Variants in GPR39 observed in about 807,000 individuals in gnomAD.
GPR39 encodes G protein-coupled receptor 39.
Under a neutral mutation model 18.4 loss-of-function variants are expected in GPR39, and 23 were observed. The observed-to-expected ratio is 1.25, with a 90% confidence interval of 0.90 to 1.77. GPR39 has a LOEUF of 1.77. Ranked by LOEUF, GPR39 falls within the 40% of genes most tolerant of loss-of-function variation. The probability of loss-of-function intolerance (pLI) is 0.00; values close to 1 mark genes in which losing one functional copy is unlikely to be tolerated. For synonymous variants in GPR39, 280 were observed against 257.9 expected, an observed-to-expected ratio of 1.09 and a Z score of -0.82; for missense variants, 647 against 602.4, an observed-to-expected ratio of 1.07 and a Z score of -0.78.
chr2:132,443,415 A>G (rs989742013), intron 1 of GPR39, among the ~76,000 whole-genome samples: 9 of 152,230 alleles, frequency 5.9e-5, no homozygotes, highest in African/African-American at 1.9e-4. Flanking sequence ...GAGTACCCAT[A>G]CAACCATTCT....
chr2:132,588,996 C>G (rs780177483), intron 1 of GPR39, among the ~76,000 whole-genome samples: 3 of 133,786 alleles, frequency 2.2e-5, no homozygotes, highest in Non-Finnish European at 3.1e-5. Context: ...TAGAACAGCT[C>G]TAACTTAGAC....
intron 1 of GPR39, among the ~76,000 whole-genome samples, chr2:132,462,562 A>G (rs899265075): frequency 6.6e-6 from 1 of 152,234 alleles, no homozygotes; most frequent in Non-Finnish European, 1.5e-5. Context: ...ATCTTACACC[A>G]CAATGACAAG....
At chr2:132,625,711 C>A (rs1431566754) in intron 1 of GPR39, among the ~76,000 whole-genome samples, 1 of 152,192 alleles carries the variant, frequency 6.6e-6, no homozygotes, top group Non-Finnish European at 1.5e-5. Flanking sequence ...CTCTGTGCTG[C>A]TGATTCAGCA....
At chr2:132,540,521 AGT>A (rs1679843447) in intron 1 of GPR39, among the ~76,000 whole-genome samples, 1 of 152,200 alleles carries the variant, frequency 6.6e-6, no homozygotes, top group Non-Finnish European at 1.5e-5. Context: ...CATGGGCCTC[AGT>A]ATTGCAGGTG....
At chr2:132,582,915 C>CTTTTTTT (rs5834320) in intron 1 of GPR39, among the ~76,000 whole-genome samples, 10 of 101,628 alleles carry the variant, frequency 9.8e-5, no homozygotes, top group South Asian at 3.4e-4. Flanking sequence ...TTCTTTCTTT[C>CTTTTTTT]TTTTTTTTTT....
At chr2:132,531,222 G>T (rs1225846203) in intron 1 of GPR39, among the ~76,000 whole-genome samples, 4 of 152,130 alleles carry the variant, frequency 2.6e-5, no homozygotes, top group Admixed American at 2.6e-4. Flanking sequence ...AGATAAAACA[G>T]ACTTTAAACC....
intron 1 of GPR39, among the ~76,000 whole-genome samples, chr2:132,499,487 T>C (rs535632034): frequency 6.6e-6 from 1 of 152,102 alleles, no homozygotes; most frequent in Non-Finnish European, 1.5e-5. Flanking sequence ...GTGTGATACC[T>C]CTAGATTTGT....
At chr2:132,468,067 C>T (rs1680963262) in intron 1 of GPR39, among the ~76,000 whole-genome samples, 1 of 152,186 alleles carries the variant, frequency 6.6e-6, no homozygotes, top group South Asian at 2.1e-4. Flanking sequence ...CCTCCCAGCA[C>T]CTCCCAACAC....
chr2:132,513,217 G>C (rs1291193031), intron 1 of GPR39, among the ~76,000 whole-genome samples: 2 of 152,230 alleles, frequency 1.3e-5, no homozygotes, highest in Admixed American at 6.5e-5. Flanking sequence ...AGCCCCAGAA[G>C]TAGGACAGCA....
chr2:132,621,458 T>A (rs1681439918), intron 1 of GPR39, among the ~76,000 whole-genome samples: 1 of 152,222 alleles, frequency 6.6e-6, no homozygotes, highest in South Asian at 2.1e-4. Context: ...TGACTTGTGA[T>A]AAGTACTGCT....
chr2:132,593,801 A>G (rs1293952238), intron 1 of GPR39, among the ~76,000 whole-genome samples: 1 of 152,128 alleles, frequency 6.6e-6, no homozygotes. Context: ...TGGGATTCAC[A>G]TTAGAGAGAT....
chr2:132,419,380 C>T (rs1679967043), intron 1 of GPR39, among the ~76,000 whole-genome samples: 1 of 152,174 alleles, frequency 6.6e-6, no homozygotes, highest in Non-Finnish European at 1.5e-5. Context: ...CTGTGCTTTT[C>T]AGGGCAGAGA....
chr2:132,645,072 G>C (rs1163684581), intron 1 of GPR39, 29 bp from the exon 2 acceptor site: 1 of 1,583,854 alleles, frequency 6.3e-7, no homozygotes, highest in South Asian at 1.2e-5. Flanking sequence ...TCTTTTCTCT[G>C]TCTCTCCCTC....
intron 1 of GPR39, among the ~76,000 whole-genome samples, chr2:132,552,585 A>C (rs1680062825): frequency 6.6e-6 from 1 of 152,136 alleles, no homozygotes; most frequent in Non-Finnish European, 1.5e-5. Context: ...ACAGCCTAAC[A>C]CATAATAATC....
chr2:132,441,392 TTTG>T (rs10601099), intron 1 of GPR39, among the ~76,000 whole-genome samples: 100,889 of 149,682 alleles, frequency 0.67, 35,724 homozygotes, highest in Non-Finnish European at 0.8. Flanking sequence ...TGCTTTTTTT[TTTG>T]TTGTTGTTGT....
intron 1 of GPR39, among the ~76,000 whole-genome samples, chr2:132,491,294 G>A (rs531931727): frequency 1.3e-4 from 20 of 152,240 alleles, no homozygotes; most frequent in Admixed American, 5.2e-4. Context: ...ACAATTCTGT[G>A]TATATTAAAT....
chr2:132,579,319 A>G (rs543878358), intron 1 of GPR39, among the ~76,000 whole-genome samples: 1 of 152,126 alleles, frequency 6.6e-6, no homozygotes, highest in Non-Finnish European at 1.5e-5. Flanking sequence ...TCAGAGAAAC[A>G]CACTGTATAA....
rs764376601 is a variant in GPR39, at chr2:132,417,357, CCT to C, written c.316_317del (p.Leu106ValfsTer26). On this transcript the variant is annotated frameshift_variant, in exon 1 of 2. Coordinates refer to ENST00000329321, the MANE Select transcript of GPR39 (RefSeq NM_001508.3). LOFTEE classifies it high-confidence loss of function. ...ATCCCCTGACCACGTCCAGCTACAC[CCT>C]GTCCTGCAAGCTGCACACTTTCCTC... ...WNPLTTSSYT[L>X]SCKLHTFLFE... The C allele has an allele frequency of 6.2e-7, 1 of 1,614,204 alleles. No homozygotes were observed. Among genetic ancestry groups the C allele is most frequent in the Non-Finnish European group, 8.5e-7 (1 of 1,180,026 alleles).
intron 1 of GPR39, chr2:132,489,101 G>A (rs574845416): frequency 2.2e-5 from 5 of 222,798 alleles, no homozygotes; most frequent in South Asian, 1.7e-4. Context: ...AGATGACATC[G>A]AACTCCACAG....
Sources: gnomAD v4.1 joint callset for allele counts (sites outside exome capture counted in the v4.1 genomes callset) on GRCh38, gnomAD v4.1.1 for gene constraint, MANE v1.5 for transcripts, NCBI Gene and HGNC (gene_info 2026-07-23, HGNC 2026-07-21) for gene names.